PITPNM2: variants seen among roughly 807,000 people sequenced by gnomAD.
PITPNM2 encodes the protein membrane-associated phosphatidylinositol transfer protein 2.
PITPNM2 carries 35 observed loss-of-function variants against 132.2 expected under a neutral mutation model. That is an observed-to-expected ratio of 0.26 (90% CI 0.20 to 0.35). PITPNM2 has a LOEUF of 0.35. PITPNM2 is among the 10% of genes least tolerant of loss of function. The pLI is 1.00. For missense variants in PITPNM2, 1,332 were observed against 1,912.0 expected, an observed-to-expected ratio of 0.70 and a Z score of 5.66; for synonymous variants, 738 against 799.2, an observed-to-expected ratio of 0.92 and a Z score of 1.29.
At position 123,078,891 on chromosome 12, in the gene PITPNM2, G is replaced by A. The variant is rs765784136; in HGVS notation, c.-96+31494C>T. 2.6e-5 allele frequency among the ~76,000 whole-genome samples: 4 copies of A among 152,224 alleles called. No individual in the cohort carries two copies. Among genetic ancestry groups the A allele is most frequent in the African/African-American group, 7.2e-5 (3 of 41,460 alleles). On this transcript the variant is annotated intron_variant, in intron 2 of 25. Transcript: ENST00000320201. This position sits in a 1 kb window ranked among gnomAD's most constrained non-coding sequence, Gnocchi z 7.3. ...TGGCCCCACTCATACTGGGAGCAGC[G>A]AAATGGGGCTGGGAAGAAAGCCACG...
chr12:123,111,594 G>A lies in PITPNM2; in HGVS notation c.-199-1106C>T, dbSNP rs569197385. Among the ~76,000 whole-genome samples the A allele has an allele frequency of 6.6e-6, 1 of 152,354 alleles. No homozygotes were observed. Among genetic ancestry groups the A allele is most frequent in the African/African-American group, 2.4e-5 (1 of 41,590 alleles). Reference sequence around the variant, plus strand: ...CTAGCAATACACAGCAGTGGGAGGTGTGGCTGCAGGGAGCGGGCGGCTCTT... The same window carrying A: ...CTAGCAATACACAGCAGTGGGAGGTATGGCTGCAGGGAGCGGGCGGCTCTT... On this transcript the variant is annotated intron_variant, in intron 1 of 25. Transcript: ENST00000320201. The surrounding 1 kb of genome is among the most constrained non-coding windows in gnomAD (Gnocchi z 4.1).
chr12:122,994,794 C>T lies in PITPNM2; in HGVS notation c.2233+7G>A. 6.2e-7 allele frequency: 1 copy of T among 1,606,586 alleles called. No individual in the cohort carries two copies. The highest frequency in any genetic ancestry group is 8.5e-7 in the Non-Finnish European group (1 of 1,178,334). ...TACCCCCCATCCTGCCCCTGCTGGG[C>T]TCTCACCATCCAGGGCTGGGATGAC... is the stretch of plus-strand genomic sequence containing the variant. On this transcript the variant is annotated splice_region_variant and intron_variant, in intron 15 of 25. Transcript: ENST00000320201. The surrounding 1 kb of genome is among the most constrained non-coding windows in gnomAD (Gnocchi z 5.4).
intron 23 of PITPNM2, 66 bp from the exon 24 acceptor site, chr12:122,986,895 A>T: frequency 6.7e-7 from 1 of 1,503,418 alleles, no homozygotes; most frequent in South Asian, 1.3e-5. Flanking sequence ...TCTCCTGCCC[A>T]GCCAGGGCCC....
chr12:122,987,560 C>T lies in PITPNM2; in HGVS notation c.3214G>A (p.Glu1072Lys). 1 of 1,613,930 alleles carries T rather than the reference C, an allele frequency of 6.2e-7. No homozygotes were observed. The highest frequency in any genetic ancestry group is 2.2e-5 in the East Asian group (1 of 44,884). Reference protein sequence around the residue: ...NSGRVSYTIPESHRLGVGVYP... With the variant: ...NSGRVSYTIPKSHRLGVGVYP... The stretch of plus-strand genomic sequence containing the variant: ...ACACCCACGCCCAGGCGGTGCGACT[C>T]AGGGATGGTGTAGGAGACACGCCCA... Residue 1072 changes from glutamate (E) to lysine (K), a missense_variant, in exon 22 of 26, where the codon GAG (glutamate) becomes AAG (lysine). Glu to Lys is a moderately conservative substitution (Grantham distance 56). Around this residue, in one of 6 missense-constraint regions of PITPNM2, gnomAD observed 251 missense variants for 472.0 expected, o/e 0.53. Coordinates refer to ENST00000320201, the MANE Select transcript of PITPNM2 (RefSeq NM_020845.3).
chr12:123,029,821 ATGTGTCTGTG>A (rs907234836), intron 3 of PITPNM2, among the ~76,000 whole-genome samples: 9 of 124,432 alleles, frequency 7.2e-5, no homozygotes, highest in African/African-American at 4.0e-4. Flanking sequence ...GGACACACAT[ATGTGTCTGTG>A]TGTGTGTGTG....
upstream of PITPNM2, among the ~76,000 whole-genome samples, chr12:123,151,200 C>G (rs1311206957): frequency 6.8e-6 from 1 of 146,422 alleles, no homozygotes; most frequent in Non-Finnish European, 1.5e-5. Flanking sequence ...TGCGGAGTCT[C>G]GGCCCGGCCC....
intron 2 of PITPNM2, among the ~76,000 whole-genome samples, chr12:123,103,595 C>T (rs1380390171): frequency 6.6e-6 from 1 of 152,194 alleles, no homozygotes; most frequent in African/African-American, 2.4e-5. Context: ...GCTCTGGGAC[C>T]CTGGGGCCAG....
rs758770112 is a variant in PITPNM2 at position 123,077,824 on chromosome 12, G to C, written c.-96+32561C>G. ...AGGAAGCCAATGTGAGGGAAGGGGT[G>C]GGGGGACAAAGTATCAGAGCCAGGA... On this transcript the variant is annotated intron_variant, in intron 2 of 25. Transcript: ENST00000320201. This position sits in a 1 kb window ranked among gnomAD's most constrained non-coding sequence, Gnocchi z 4.8. Among the ~76,000 whole-genome samples, 4 of 152,150 alleles carry C rather than the reference G, an allele frequency of 2.6e-5. No individual in the cohort carries two copies. Among genetic ancestry groups the C allele is most frequent in the Non-Finnish European group, 5.9e-5 (4 of 68,020 alleles).
At chr12:123,053,788 G>A (rs894319971) in intron 2 of PITPNM2, among the ~76,000 whole-genome samples, 2 of 151,782 alleles carry the variant, frequency 1.3e-5, no homozygotes, top group Admixed American at 1.3e-4. Flanking sequence ...GGTTGGTCTC[G>A]AGCTCCTGAC....
At chr12:123,071,097 G>A (rs1043020789) in intron 2 of PITPNM2, among the ~76,000 whole-genome samples, 1 of 152,198 alleles carries the variant, frequency 6.6e-6, no homozygotes, top group Non-Finnish European at 1.5e-5. Flanking sequence ...TAGCAGGTCC[G>A]ACCTGGGATC....
chr12:123,134,039 A>T (rs1442337486), intron 1 of PITPNM2, among the ~76,000 whole-genome samples: 2 of 152,132 alleles, frequency 1.3e-5, no homozygotes, highest in African/African-American at 4.8e-5. Flanking sequence ...TTTCAACAAT[A>T]TAAGGAATAT....
chr12:123,068,510 T>A (rs920828997), intron 2 of PITPNM2, among the ~76,000 whole-genome samples: 2 of 151,838 alleles, frequency 1.3e-5, no homozygotes, highest in African/African-American at 4.8e-5. Context: ...AAAATAATCC[T>A]TGGGCACACC....
At chr12:123,133,640 A>G (rs1327038406) in intron 1 of PITPNM2, among the ~76,000 whole-genome samples, 1 of 152,228 alleles carries the variant, frequency 6.6e-6, no homozygotes, top group Non-Finnish European at 1.5e-5. Context: ...ATGTTTGGAA[A>G]GGACTAGAAT....
intron 2 of PITPNM2, among the ~76,000 whole-genome samples, chr12:123,063,052 G>A (rs1291777963): frequency 6.6e-6 from 1 of 152,220 alleles, no homozygotes; most frequent in Non-Finnish European, 1.5e-5. Flanking sequence ...ACAGGCCTGC[G>A]GGCACATAGG....
intron 16 of PITPNM2, among the ~76,000 whole-genome samples, chr12:122,990,983 A>C (rs1008581827): frequency 2.6e-5 from 4 of 152,132 alleles, no homozygotes; most frequent in African/African-American, 4.8e-5. Context: ...CTCCTGCCCC[A>C]CACACACCCC....
chr12:123,109,299 T>C (rs1396958818), intron 2 of PITPNM2, among the ~76,000 whole-genome samples: 1 of 152,216 alleles, frequency 6.6e-6, no homozygotes, highest in Non-Finnish European at 1.5e-5. Context: ...AACAAAGGCC[T>C]TGGCATGGAA....
chr12:122,985,965 C>T lies in PITPNM2; in HGVS notation c.*62G>A, dbSNP rs944648483. ...CAGTGCGTGTGCCCAGGCCAGGCCT[C>T]CTGGCGGGGCTGGCCACCCTGGCCT... On this transcript the variant is annotated 3_prime_UTR_variant, in exon 26 of 26. Transcript: ENST00000320201. 1 of 1,335,334 alleles carries T rather than the reference C, an allele frequency of 7.5e-7. No individual in the cohort carries two copies. Among genetic ancestry groups the T allele is most frequent in the Non-Finnish European group, 9.6e-7 (1 of 1,042,914 alleles). 82.7% of individuals were successfully genotyped at this position (1,335,334 alleles called of 1,614,324 possible).
At chr12:123,019,123 T>G (rs1253712009) in intron 3 of PITPNM2, among the ~76,000 whole-genome samples, 1 of 152,116 alleles carries the variant, frequency 6.6e-6, no homozygotes, top group African/African-American at 2.4e-5. Flanking sequence ...TGCTCTGGAA[T>G]TAGGTAGTGG....
chr12:123,013,771 C>T (rs2039308202), intron 4 of PITPNM2, 57 bp downstream of exon 4: 3 of 1,562,036 alleles, frequency 1.9e-6, no homozygotes, highest in South Asian at 1.1e-5. Context: ...CACAAGATTG[C>T]TTCCCGCCAG....
Sources: gnomAD v4.1 joint callset for allele counts (sites outside exome capture counted in the v4.1 genomes callset) on GRCh38, gnomAD v4.1.1 for gene constraint, gnomAD v4.1.1 regional missense constraint, Gnocchi (gnomAD v3.1) non-coding constraint, MANE v1.5 for transcripts, NCBI Gene and HGNC (gene_info 2026-07-23, HGNC 2026-07-21) for gene names.